The following LRBA variants were observed in gnomAD, a reference collection of about 807,000 sequenced individuals.
The protein encoded by LRBA is lipopolysaccharide-responsive and beige-like anchor protein.
LRBA carries 176 observed loss-of-function variants against 330.0 expected under a neutral mutation model. The ratio of observed to expected loss-of-function variants is 0.53; its 90% CI spans 0.47 to 0.60. LRBA has a LOEUF of 0.60. Among genes scored for constraint, LRBA ranks in the 20% least tolerant of loss-of-function variants. The probability of loss-of-function intolerance (pLI) is 0.00; values close to 1 mark genes in which losing one functional copy is unlikely to be tolerated. For missense variants in LRBA, 3,259 were observed against 3,444.8 expected (o/e 0.95, Z 1.35); for synonymous variants, 1,230 against 1,193.0 (o/e 1.03, Z -0.64).
intron 48 of LRBA, among the ~76,000 whole-genome samples, chr4:150,348,216 T>A (rs1205205895): frequency 6.6e-6 from 1 of 152,160 alleles, no homozygotes; most frequent in Non-Finnish European, 1.5e-5. Flanking sequence ...GCCAAGCACA[T>A]AGAGTGACTC....
intron 31 of LRBA, among the ~76,000 whole-genome samples, chr4:150,815,277 C>A (rs760780715): frequency 4.0e-5 from 6 of 148,248 alleles, no homozygotes; most frequent in Non-Finnish European, 6.0e-5. Context: ...TTTTAAAGGA[C>A]TTTGGATGGG....
At chr4:150,654,892 C>A (rs1310934635) in intron 37 of LRBA, among the ~76,000 whole-genome samples, 1 of 152,136 alleles carries the variant, frequency 6.6e-6, no homozygotes, top group Non-Finnish European at 1.5e-5. Flanking sequence ...TTTATGGCTG[C>A]ATAGTATTCC....
chr4:150,564,414 G>C (rs1037265950), intron 40 of LRBA, among the ~76,000 whole-genome samples: 1 of 152,090 alleles, frequency 6.6e-6, no homozygotes, highest in Non-Finnish European at 1.5e-5. Context: ...GTAAATGTTA[G>C]ACCTAAAACC....
intron 2 of LRBA, among the ~76,000 whole-genome samples, chr4:150,938,073 G>GT (rs1203589429): frequency 7.3e-6 from 1 of 136,894 alleles, no homozygotes; most frequent in Non-Finnish European, 1.6e-5. Flanking sequence ...GTATGGTATA[G>GT]TTTAAAAAAA....
Position 150,286,610 on chromosome 4 carries a change from A to C in LRBA, c.8018-576T>G, listed in dbSNP as rs79949538. Reference sequence around the variant, plus strand: ...GGTTCATTCAAATAACCGAAAAAAAACCCAATATAAGAAACACCTAAAAAA... The same window carrying C: ...GGTTCATTCAAATAACCGAAAAAAACCCCAATATAAGAAACACCTAAAAAA... On this transcript the variant is annotated intron_variant, in intron 53 of 56. Transcript: ENST00000651943. Among the ~76,000 whole-genome samples the C allele has an allele frequency of 5.4e-3, 582 of 107,278 alleles. 3 individuals carry two copies. Among genetic ancestry groups the C allele is most frequent in the African/African-American group, 0.021 (555 of 26,684 alleles). 70.4% of individuals were successfully genotyped at this position (107,278 alleles called of 152,430 possible).
intron 37 of LRBA, among the ~76,000 whole-genome samples, chr4:150,676,353 T>A (rs1462916217): frequency 6.6e-6 from 1 of 152,244 alleles, no homozygotes; most frequent in African/African-American, 2.4e-5. Flanking sequence ...TTTTCACTTT[T>A]CTATTTCCCC....
intron 47 of LRBA, among the ~76,000 whole-genome samples, chr4:150,373,164 T>TGAGAGA (rs1561082920): frequency 9.6e-5 from 13 of 135,112 alleles, no homozygotes; most frequent in African/African-American, 3.0e-4. Context: ...TGTGTGTGTG[T>TGAGAGA]GTGTGTGTGA....
chr4:150,817,499 T>G (rs1002275043), intron 30 of LRBA, among the ~76,000 whole-genome samples: 1 of 152,026 alleles, frequency 6.6e-6, no homozygotes, highest in African/African-American at 2.4e-5. Flanking sequence ...ATTTACCACA[T>G]AGTATTTTTA....
intron 46 of LRBA, chr4:150,423,579 C>A (rs1028458122): frequency 2.8e-6 from 1 of 352,406 alleles, no homozygotes. Context: ...GTCTTTACCA[C>A]CTGCTTGCCC....
intron 47 of LRBA, among the ~76,000 whole-genome samples, chr4:150,394,127 G>A (rs1234429138): frequency 6.6e-6 from 1 of 152,132 alleles, no homozygotes; most frequent in Non-Finnish European, 1.5e-5. Flanking sequence ...GAGGCCTTGT[G>A]ATCATTCAAT....
chr4:150,368,811 G>C (rs532514460), intron 47 of LRBA, among the ~76,000 whole-genome samples: 1 of 152,282 alleles, frequency 6.6e-6, no homozygotes, highest in South Asian at 2.1e-4. Flanking sequence ...CACATCTAAA[G>C]ACATTACTGC....
chr4:150,653,561 T>C (rs573408324), intron 37 of LRBA, among the ~76,000 whole-genome samples: 4 of 152,284 alleles, frequency 2.6e-5, no homozygotes, highest in African/African-American at 7.2e-5. Flanking sequence ...TGGCAAATGA[T>C]ATTTAGAGAC....
intron 37 of LRBA, among the ~76,000 whole-genome samples, chr4:150,633,712 C>CGTG (rs1301698165): frequency 6.6e-6 from 1 of 152,204 alleles, no homozygotes; most frequent in Non-Finnish European, 1.5e-5. Flanking sequence ...CATAAGGCCT[C>CGTG]GTGTAATCTG....
chr4:150,410,018 A>G (rs1291676624), intron 47 of LRBA, among the ~76,000 whole-genome samples: 1 of 152,162 alleles, frequency 6.6e-6, no homozygotes, highest in Non-Finnish European at 1.5e-5. Context: ...ATCATTATCA[A>G]TATGGGAAAT....
intron 51 of LRBA, 59 bp downstream of exon 51, chr4:150,315,502 C>T (rs1248721399): frequency 1.5e-6 from 2 of 1,372,292 alleles, no homozygotes; most frequent in South Asian, 2.3e-5. Flanking sequence ...CTGTAATCTA[C>T]ACTTCAGGGC....
intron 26 of LRBA, among the ~76,000 whole-genome samples, chr4:150,846,265 T>C (rs922001974): frequency 7.2e-5 from 11 of 151,764 alleles, no homozygotes; most frequent in Non-Finnish European, 1.5e-4. Context: ...CGGTGGGGGC[T>C]CACATCTGTA....
chr4:150,444,180 A>T (rs1233721758), intron 44 of LRBA, among the ~76,000 whole-genome samples: 1 of 152,010 alleles, frequency 6.6e-6, no homozygotes, highest in East Asian at 1.9e-4. Context: ...TGAACAAAAA[A>T]GGTAAATGTT....
intron 53 of LRBA, among the ~76,000 whole-genome samples, chr4:150,301,137 A>C (rs1001868753): frequency 3.9e-5 from 6 of 152,088 alleles, no homozygotes; most frequent in Non-Finnish European, 7.4e-5. Context: ...AACCAGAAAA[A>C]AGAAATTGAA....
chr4:150,311,400 TCAAA>T (rs931010392), intron 51 of LRBA: 1 of 152,190 alleles, frequency 6.6e-6, no homozygotes. Flanking sequence ...TTTTGAAAAA[TCAAA>T]CATAGAAAAA....
Sources: allele counts gnomAD v4.1 joint callset (sites outside exome capture counted in the v4.1 genomes callset), GRCh38; gene constraint gnomAD v4.1.1; transcripts MANE v1.5; gene names NCBI Gene and HGNC (gene_info 2026-07-23, HGNC 2026-07-21).